The following LIN9 variants were observed in gnomAD, a reference collection of about 807,000 sequenced individuals.
LIN9 encodes protein lin-9 homolog.
Under a neutral mutation model 78.0 loss-of-function variants are expected in LIN9, and 18 were observed. The ratio of observed to expected loss-of-function variants is 0.23; its 90% confidence interval spans 0.16 to 0.34. The LOEUF (loss-of-function observed/expected upper bound fraction) is 0.34. Among genes scored for constraint, LIN9 ranks in the 10% least tolerant of loss-of-function variants. The pLI is 1.00. For missense variants in LIN9, 451 were observed against 644.1 expected (o/e 0.70, Z 3.25); for synonymous variants, 192 against 215.2 (o/e 0.89, Z 0.94).
chr1:226,244,992 A>G (rs909914286), intron 11 of LIN9, among the ~76,000 whole-genome samples: 3 of 152,242 alleles, frequency 2.0e-5, no homozygotes, highest in African/African-American at 7.2e-5. Context: ...ACATAAGTGT[A>G]GAAGTTTCCA....
At chr1:226,242,617 C>T (rs186708315) in intron 11 of LIN9, among the ~76,000 whole-genome samples, 8 of 152,288 alleles carry the variant, frequency 5.3e-5, no homozygotes, top group Admixed American at 2.0e-4. Flanking sequence ...TGGTGCAGGT[C>T]CACTTACATT....
intron 6 of LIN9, among the ~76,000 whole-genome samples, chr1:226,282,469 T>C (rs1460383122): frequency 6.6e-6 from 1 of 152,174 alleles, no homozygotes; most frequent in African/African-American, 2.4e-5. Context: ...TGACTAACCA[T>C]GCCATTACTA....
chr1:226,255,242 T>C (rs1659111088), intron 10 of LIN9, among the ~76,000 whole-genome samples: 2 of 152,196 alleles, frequency 1.3e-5, no homozygotes, highest in Admixed American at 6.5e-5. Context: ...TCTTGCTTCC[T>C]GCAAGGGGAA....
intron 10 of LIN9, among the ~76,000 whole-genome samples, chr1:226,251,632 G>C (rs1658843801): frequency 6.6e-6 from 1 of 152,182 alleles, no homozygotes; most frequent in South Asian, 2.1e-4. Flanking sequence ...AAACTGCTGG[G>C]ATTACAGACA....
chr1:226,302,595 T>TGAGAAA (rs1662627786), intron 1 of LIN9, among the ~76,000 whole-genome samples: 1 of 146,262 alleles, frequency 6.8e-6, no homozygotes, highest in South Asian at 2.2e-4. Flanking sequence ...TTTTTGAGAG[T>TGAGAAA]GAGAAAGCAC....
chr1:226,267,932 A>T (rs756357988), intron 8 of LIN9, 25 bp downstream of exon 8: 2 of 1,601,062 alleles, frequency 1.2e-6, no homozygotes, highest in East Asian at 4.5e-5. Context: ...CATAAAACAC[A>T]AATGTATTAT....
intron 8 of LIN9, 57 bp downstream of exon 8, chr1:226,267,900 T>C (rs1660034551): frequency 1.3e-6 from 2 of 1,503,420 alleles, no homozygotes; most frequent in Non-Finnish European, 1.8e-6. Flanking sequence ...CTAAAAAAAC[T>C]CTATATAACA....
chr1:226,260,044 A>T (rs1353910263), intron 10 of LIN9, among the ~76,000 whole-genome samples: 1 of 152,170 alleles, frequency 6.6e-6, no homozygotes, highest in African/African-American at 2.4e-5. Context: ...AGAGGACACA[A>T]ATTATTAATT....
chr1:226,283,202 C>T (rs2102961062), intron 6 of LIN9, among the ~76,000 whole-genome samples: 1 of 151,862 alleles, frequency 6.6e-6, no homozygotes, highest in African/African-American at 2.4e-5. Context: ...GCATGGCTCA[C>T]TGCAGCCTCA....
intron 10 of LIN9, among the ~76,000 whole-genome samples, chr1:226,259,632 T>C (rs1344048927): frequency 6.6e-6 from 1 of 152,040 alleles, no homozygotes; most frequent in Non-Finnish European, 1.5e-5. Flanking sequence ...TAGAAATCAA[T>C]AACAAAGAAA....
chr1:226,239,188 A>G (rs1204716900), intron 11 of LIN9, 92 bp from the exon 12 acceptor site: 2 of 1,271,656 alleles, frequency 1.6e-6, no homozygotes, highest in Admixed American at 2.1e-5. Context: ...TTATCTAAAA[A>G]GCAAACTAAA....
At chr1:226,278,581 T>A (rs1660816064) in intron 6 of LIN9, among the ~76,000 whole-genome samples, 1 of 151,912 alleles carries the variant, frequency 6.6e-6, no homozygotes, top group African/African-American at 2.4e-5. Flanking sequence ...CCTAGCAGTA[T>A]GGGAGGCCAC....
chr1:226,243,173 G>A (rs1258956477), intron 11 of LIN9, among the ~76,000 whole-genome samples: 2 of 152,110 alleles, frequency 1.3e-5, no homozygotes, highest in African/African-American at 2.4e-5. Flanking sequence ...GGTAACATGC[G>A]AAACAAATAA....
rs191382899 is a variant in LIN9 at position 226,268,864 on chromosome 1, C to A, written c.683-774G>T. On this transcript the variant is annotated intron_variant, in intron 7 of 14. Coordinates refer to ENST00000681046, the MANE Select transcript of LIN9 (RefSeq NM_001366245.2). ...TGCACGTGGTTTCCTCTGGACTTTG[C>A]CCCAAGCACCTTATTCTTTTGCCAA... is the stretch of plus-strand genomic sequence containing the variant. Among the ~76,000 whole-genome samples, 109 of 152,260 alleles carry A rather than the reference C, an allele frequency of 7.2e-4. 1 individual carries two copies. The highest frequency in any genetic ancestry group is 2.5e-3 in the African/African-American group (105 of 41,550).
intron 1 of LIN9, among the ~76,000 whole-genome samples, chr1:226,302,564 C>T (rs1002108913): frequency 1.5e-5 from 2 of 136,132 alleles, no homozygotes; most frequent in African/African-American, 5.4e-5. Flanking sequence ...AAAAAAAAAA[C>T]AAACCAATAG....
chr1:226,291,971 A>G (rs1661822962), intron 4 of LIN9, among the ~76,000 whole-genome samples: 1 of 152,168 alleles, frequency 6.6e-6, no homozygotes, highest in Non-Finnish European at 1.5e-5. Context: ...ATAAGTGAGG[A>G]GATGTTTAGC....
In LIN9 at chr1:226,286,339, G is replaced by A; in HGVS notation, c.518C>T (p.Pro173Leu). 2 of 1,605,608 alleles carry A rather than the reference G, an allele frequency of 1.2e-6. No homozygotes were observed. Among genetic ancestry groups the A allele is most frequent in the Non-Finnish European group, 8.5e-7 (1 of 1,178,086 alleles). Residue 173 changes from proline (P) to leucine (L), a missense_variant, in exon 6 of 15, where the codon CCA (proline) becomes CTA (leucine). Physicochemically the swap from Pro to Leu is moderately conservative, Grantham distance 98. Transcript: ENST00000681046. ...ACAAAAACATTATTTTTACCTCCGT[G>A]GTTTTCCCATAAGCCGCCGAATTTT... The part of the protein sequence containing the change: ...WGKIRRLMGK[P>L]RRCSSAFFEE...
chr1:226,252,322 G>GAATA (rs899089730), intron 10 of LIN9, among the ~76,000 whole-genome samples: 2 of 143,582 alleles, frequency 1.4e-5, no homozygotes, highest in African/African-American at 5.3e-5. Context: ...ATAAATAAAT[G>GAATA]AATGAATGAA....
intron 7 of LIN9, among the ~76,000 whole-genome samples, chr1:226,275,224 A>C (rs1049751209): frequency 2.6e-5 from 4 of 152,356 alleles, no homozygotes; most frequent in African/African-American, 9.6e-5. Flanking sequence ...TATAATTTCC[A>C]TAAGTCACAA....
Sources: gnomAD v4.1 joint callset for allele counts (sites outside exome capture counted in the v4.1 genomes callset) on GRCh38, gnomAD v4.1.1 for gene constraint, MANE v1.5 for transcripts, NCBI Gene and HGNC (gene_info 2026-07-23, HGNC 2026-07-21) for gene names.